The following FHOD1 variants were observed in gnomAD, a reference collection of about 807,000 sequenced individuals.
FHOD1 encodes FH1/FH2 domain-containing protein 1.
Under a neutral mutation model 111.6 loss-of-function variants are expected in FHOD1, and 89 were observed. The ratio of observed to expected loss-of-function variants is 0.80; its 90% confidence interval spans 0.67 to 0.95. The LOEUF is 0.95. Among genes scored for constraint, FHOD1 ranks in the 40% least tolerant of loss-of-function variants. FHOD1 has a pLI of 0.00. For missense variants in FHOD1, 1,446 were observed against 1,554.2 expected (o/e 0.93, Z 1.17); for synonymous variants, 618 against 639.0 (o/e 0.97, Z 0.50).
chr16:67,235,767 A>G (rs940908024), intron 11 of FHOD1, among the ~76,000 whole-genome samples: 4 of 152,122 alleles, frequency 2.6e-5, no homozygotes, highest in Middle Eastern at 3.2e-3. Context: ...AATGAGCCCC[A>G]GGTTGGGTGT....
In FHOD1 at chr16:67,237,267, TCGA is replaced by T. The variant is rs1276358513; in HGVS notation, c.962_964del (p.Val321del). The stretch of plus-strand genomic sequence containing the variant: ...GTAGAGCACAAGCTGCGTGCGCAGG[TCGA>T]CGTCAGTGCCCGCAGTGCCCAGGTG... On this transcript the variant is annotated inframe_deletion, in exon 9 of 22. Coordinates refer to ENST00000258201, the MANE Select transcript of FHOD1 (RefSeq NM_013241.3). The surrounding 1 kb of genome is among the most constrained non-coding windows in gnomAD (Gnocchi z 5.6). 1 of 1,613,726 alleles carries T rather than the reference TCGA, an allele frequency of 6.2e-7. No homozygotes were observed.
rs2034547886 is a variant in FHOD1 at position 67,237,796 on chromosome 16, TG to T, written c.643-29del. ...GAGGAGAGAGGTCAGTACATATGAGTGGGGCTTAGGCCAGACCTGTGCCAGC... is the reference window on the plus strand; with the variant it reads ...GAGGAGAGAGGTCAGTACATATGAGTGGGCTTAGGCCAGACCTGTGCCAGC... On this transcript the variant is annotated intron_variant, in intron 6 of 21. Transcript: ENST00000258201. The surrounding 1 kb of genome is among the most constrained non-coding windows in gnomAD (Gnocchi z 5.6). 4 of 1,593,308 alleles carry T rather than the reference TG, an allele frequency of 2.5e-6. No homozygotes were observed. The South Asian group carries it at 3.3e-5, about 13-fold the overall frequency.
chr16:67,230,124 A>G lies in FHOD1; in HGVS notation c.3156T>C (p.Ser1052=), dbSNP rs1293647970. ...PGRGDADSHA[S]MKSLLTSRPE... ...GCCTGCTGGTCAGCAGACTCTTCATACTAGCATGACTGTCAGCATCTCCCC... is the reference window on the plus strand; with the variant it reads ...GCCTGCTGGTCAGCAGACTCTTCATGCTAGCATGACTGTCAGCATCTCCCC... Residue 1052 remains serine (S), a synonymous_variant, in exon 20 of 22, where the codon AGT becomes AGC. Transcript: ENST00000258201. 4.3e-6 allele frequency: 7 copies of G among 1,614,180 alleles called. No individual in the cohort carries two copies. In the South Asian group the frequency reaches 6.6e-5, roughly 15 times the overall value.
In FHOD1 at chr16:67,232,108, T is replaced by TTA; in HGVS notation, c.2132_2133insTA (p.Pro712AsnfsTer27). The TTA allele has an allele frequency of 6.2e-7, 1 of 1,614,174 alleles. No homozygotes were observed. ...GAGCAGCCTTAATGACATGCACAGG[T>TTA]GGCAGTGTGGTTAGGCCGATGTTGA... On this transcript the variant is annotated frameshift_variant, in exon 14 of 22. Coordinates refer to ENST00000258201, the MANE Select transcript of FHOD1 (RefSeq NM_013241.3). LOFTEE classifies it high-confidence loss of function.
At chr16:67,235,906 C>T in intron 11 of FHOD1, 1 of 339,324 alleles carries the variant, frequency 2.9e-6, no homozygotes, top group Non-Finnish European at 4.2e-6. Flanking sequence ...AGAGGATAGG[C>T]CTGAGTCCCC....
In FHOD1 at chr16:67,233,897, T is replaced by C. The variant is rs1157746706; in HGVS notation, c.1806A>G (p.Pro602=). Residue 602 remains proline (P), a synonymous_variant, in exon 13 of 22, where the codon CCA becomes CCG. Transcript: ENST00000258201. ...GAAGAGGGGCAGCCAGAGGTAGAGG[T>C]GGAGGTGGTGGGAAGGGGCCTTTGA... ...PPIKGPFPPP[P]PLPLAAPLPH... The C allele has an allele frequency of 1.9e-6, 2 of 1,058,830 alleles. No individual in the cohort carries two copies. Among genetic ancestry groups the C allele is most frequent in the East Asian group, 2.0e-4 (2 of 10,160 alleles). 65.6% of individuals were successfully genotyped at this position (1,058,830 alleles called of 1,614,324 possible).
Position 67,231,592 on chromosome 16 carries a change from T to C in FHOD1, c.2386-43A>G, listed in dbSNP as rs753148833. 2.5e-6 allele frequency: 4 copies of C among 1,614,042 alleles called. No homozygotes were observed. The highest frequency in any genetic ancestry group is 1.1e-5 in the South Asian group (1 of 91,094). On this transcript the variant is annotated intron_variant, in intron 15 of 21. Coordinates refer to ENST00000258201, the MANE Select transcript of FHOD1 (RefSeq NM_013241.3). This position sits in a 1 kb window ranked among gnomAD's most constrained non-coding sequence, Gnocchi z 4.3. Reference sequence around the variant, plus strand: ...GGACTCTCAGACTACATGGTCATGATGCTTACCTGTCCCTACTGACTGTCC... The same window carrying C: ...GGACTCTCAGACTACATGGTCATGACGCTTACCTGTCCCTACTGACTGTCC...
rs768363225 is a variant in FHOD1 at position 67,230,459 on chromosome 16, C to T, written c.2906G>A (p.Arg969His). The T allele has an allele frequency of 8.7e-6, 14 of 1,614,228 alleles. No individual in the cohort carries two copies. In the East Asian group the frequency reaches 8.9e-5, roughly 10 times the overall value. ...LYLGYTPQAA[R>H]EVRIMQFCHT... ...GCAGAACTGCATGATGCGCACTTCA[C>T]GGGCCGCCTGCGGGGTGTAGCCCAG... The change falls in exon 19 of 22, where the codon CGT (arginine) becomes CAT (histidine). Residue 969 changes from arginine (R) to histidine (H), a missense_variant. Arg to His is a conservative substitution (Grantham distance 29). Transcript: ENST00000258201.
chr16:67,235,524 T>C (rs1025074623), intron 11 of FHOD1, among the ~76,000 whole-genome samples: 2 of 144,248 alleles, frequency 1.4e-5, no homozygotes, highest in Admixed American at 6.8e-5. Flanking sequence ...AGCAAGACTC[T>C]GTCTCAAAAA....
Position 67,238,192 on chromosome 16 carries a change from C to G in FHOD1, c.547+10G>C. ...TGGAGCAGAGGTCATGGGAGAGGGGCGGGGCTGACCTCTAAGGATGTAGCT... is the reference window on the plus strand; with the variant it reads ...TGGAGCAGAGGTCATGGGAGAGGGGGGGGGCTGACCTCTAAGGATGTAGCT... On this transcript the variant is annotated intron_variant, in intron 5 of 21. Coordinates refer to ENST00000258201, the MANE Select transcript of FHOD1 (RefSeq NM_013241.3). The surrounding 1 kb of genome is among the most constrained non-coding windows in gnomAD (Gnocchi z 4.2). 1.2e-6 allele frequency: 2 copies of G among 1,613,900 alleles called. No homozygotes were observed. The highest frequency in any genetic ancestry group is 1.7e-6 in the Non-Finnish European group (2 of 1,179,814).
Position 67,236,582 on chromosome 16 carries a change from T to A in FHOD1, c.1294A>T (p.Thr432Ser), listed in dbSNP as rs773113128. The A allele has an allele frequency of 6.2e-7, 1 of 1,612,710 alleles. No individual in the cohort carries two copies. Among genetic ancestry groups the A allele is most frequent in the African/African-American group, 1.3e-5 (1 of 74,596 alleles). Residue 432 changes from threonine (T) to serine (S), a missense_variant, in exon 11 of 22, where the codon ACC (threonine) becomes TCC (serine). Physicochemically the swap from Thr to Ser is moderately conservative, Grantham distance 58. This residue lies in a region of FHOD1 where 1,085 missense variants were observed against 1,108.8 expected (regional missense o/e 0.98). Coordinates refer to ENST00000258201, the MANE Select transcript of FHOD1 (RefSeq NM_013241.3). ...TTGTAGATGCTCCTCTCGCTGGAGG[T>A]GTCAGCTGAGGGTGCCACAGAGATG... The part of the protein sequence containing the change: ...PTISVAPSAD[T>S]SSERSIYKAR...
chr16:67,229,583 C>T lies in FHOD1; in HGVS notation c.*53G>A. 6.6e-7 allele frequency: 1 copy of T among 1,511,362 alleles called. No homozygotes were observed. The allele number at this position is 1,511,362 out of a possible 1,614,324, so 93.6% of individuals were successfully genotyped here. A position where few individuals can be genotyped will look rare whatever the true frequency, so the allele number is the denominator to read the frequency against. ...CTGCTCTGGGCCCTCCTCACTCTGTCATCTCCTGCACTGCAGTCCAGGGTC... is the reference window on the plus strand; with the variant it reads ...CTGCTCTGGGCCCTCCTCACTCTGTTATCTCCTGCACTGCAGTCCAGGGTC... On this transcript the variant is annotated 3_prime_UTR_variant, in exon 22 of 22. Transcript: ENST00000258201.
At position 67,231,759 on chromosome 16, in the gene FHOD1, C is replaced by T. The variant is rs147119985; in HGVS notation, c.2263G>A (p.Ala755Thr). The change falls in exon 15 of 22, where the codon GCC (alanine) becomes ACC (threonine). Residue 755 changes from alanine to threonine, a missense_variant. By Grantham distance (58) the Ala-to-Thr change is moderately conservative. Around this residue, in one of 3 missense-constraint regions of FHOD1, gnomAD observed 1,085 missense variants for 1,108.8 expected, o/e 0.98. Coordinates refer to ENST00000258201, the MANE Select transcript of FHOD1 (RefSeq NM_013241.3). The surrounding 1 kb of genome is among the most constrained non-coding windows in gnomAD (Gnocchi z 4.3). ...ERQKIEEAQLANPDIPLGPAE... is the reference protein window; with the variant it reads ...ERQKIEEAQLTNPDIPLGPAE... ...GGGCCCAGGGGTATGTCAGGGTTGG[C>T]CAGCTGGGCTTCCTCAATCTTCTGC... 136 of 1,614,000 alleles carry T rather than the reference C, an allele frequency of 8.4e-5. No homozygotes were observed. The African/African-American group carries it at 1.6e-3, about 19-fold the overall frequency.
chr16:67,239,183 G>A (rs2034598615), intron 2 of FHOD1, among the ~76,000 whole-genome samples, 165 bp downstream of exon 2: 1 of 152,208 alleles, frequency 6.6e-6, no homozygotes, highest in South Asian at 2.1e-4. Context: ...ACCTTGGGCA[G>A]CAGGTAACAC....
At chr16:67,239,882 C>T (rs2034618574) in intron 1 of FHOD1, among the ~76,000 whole-genome samples, 2 of 152,182 alleles carry the variant, frequency 1.3e-5, no homozygotes, top group Non-Finnish European at 2.9e-5. Context: ...ACACAGTAAG[C>T]ACTCACTAGG....
rs574787945 is a variant in FHOD1, at chr16:67,233,809, G to A, written c.1894C>T (p.Arg632Cys). ...TKRKTVKLFW[R>C]ELKLAGGHGV... ...TGGCCCCCAGCCAGCTTCAGCTCAC[G>A]CCAGAAAAGTTTTACTGTCTTCCTC... Residue 632 changes from arginine to cysteine, a missense_variant, in exon 13 of 22, where the codon CGT becomes TGT. Physicochemically the swap from Arg to Cys is radical, Grantham distance 180. Coordinates refer to ENST00000258201, the MANE Select transcript of FHOD1 (RefSeq NM_013241.3). The A allele has an allele frequency of 7.4e-6, 12 of 1,613,660 alleles. No homozygotes were observed. The East Asian group carries it at 1.3e-4, about 18-fold the overall frequency.
rs769770868 is a variant in FHOD1 at position 67,247,242 on chromosome 16, C to T, written c.169G>A (p.Ala57Thr). 109 of 1,604,728 alleles carry T rather than the reference C, an allele frequency of 6.8e-5. No individual in the cohort carries two copies. The highest frequency in any genetic ancestry group is 8.8e-5 in the Non-Finnish European group (103 of 1,176,590). ...GGCGCTCCCAGCAGGCGGTGCACCG[C>T]GGGTATCTGCGCGCCCAAGGGCAGC... ...GALPLGAQIP[A>T]VHRLLGAPLK... Residue 57 changes from alanine (A) to threonine (T), a missense_variant, in exon 1 of 22, where the codon GCG becomes ACG. Physicochemically the swap from Ala to Thr is moderately conservative, Grantham distance 58 (BLOSUM62 0). Transcript: ENST00000258201.
intron 1 of FHOD1, among the ~76,000 whole-genome samples, chr16:67,245,713 C>A (rs898650214): frequency 6.6e-6 from 1 of 151,834 alleles, no homozygotes; most frequent in South Asian, 2.1e-4. Context: ...CCACTGTACT[C>A]CAGCCTGGGA....
chr16:67,232,211 AG>A lies in FHOD1; in HGVS notation c.2047-18del, dbSNP rs764489886. 1.9e-5 allele frequency: 31 copies of A among 1,613,684 alleles called. 1 individual carries two copies. In the East Asian group the frequency reaches 6.9e-4, roughly 36 times the overall value. On this transcript the variant is annotated intron_variant, in intron 13 of 21. Coordinates refer to ENST00000258201, the MANE Select transcript of FHOD1 (RefSeq NM_013241.3). Reference sequence around the variant, plus strand: ...TCCAGCTTTCTGCATGGTTGGGGGAAGGGCAGTGTAAGACTGAGGAAGGGGG... The same window carrying A: ...TCCAGCTTTCTGCATGGTTGGGGGAAGGCAGTGTAAGACTGAGGAAGGGGG...
Sources: gnomAD v4.1 joint callset for allele counts (sites outside exome capture counted in the v4.1 genomes callset) on GRCh38, gnomAD v4.1.1 for gene constraint, gnomAD v4.1.1 regional missense constraint, Gnocchi (gnomAD v3.1) non-coding constraint, MANE v1.5 for transcripts, NCBI Gene and HGNC (gene_info 2026-07-23, HGNC 2026-07-21) for gene names.